The following LRRC53 variants were observed in gnomAD, a reference collection of about 807,000 sequenced individuals.
LRRC53 encodes leucine rich repeat containing 53.
Under a neutral mutation model 13.6 loss-of-function variants are expected in LRRC53, and 25 were observed. The ratio of observed to expected loss-of-function variants is 1.83; its 90% CI spans 1.34 to 2.56. LRRC53 has a LOEUF of 2.56. LRRC53 is among the 30% of genes most tolerant of loss of function. The pLI is 0.00. For missense variants in LRRC53, 527 were observed against 275.8 expected, an observed-to-expected ratio of 1.91 and a Z score of -6.45; for synonymous variants, 204 against 109.8, an observed-to-expected ratio of 1.86 and a Z score of -5.37.
chr1:74,503,254 G>A (rs1175633481), intron 1 of LRRC53, among the ~76,000 whole-genome samples: 2 of 152,090 alleles, frequency 1.3e-5, no homozygotes, highest in Non-Finnish European at 2.9e-5. Context: ...ATACAATAGG[G>A]AATCAGCATC....
intron 2 of LRRC53, among the ~76,000 whole-genome samples, chr1:74,481,332 G>T (rs1293248643): frequency 6.6e-6 from 1 of 152,160 alleles, no homozygotes; most frequent in Non-Finnish European, 1.5e-5. Context: ...ATCTAGCCCT[G>T]CAGATCCAGG....
Position 74,480,911 on chromosome 1 carries a change from T to C in LRRC53, c.146A>G (p.Glu49Gly), listed in dbSNP as rs549581931. Reference protein sequence around the residue: ...IITDGYLSSIESTNLSLLFNL... With the variant: ...IITDGYLSSIGSTNLSLLFNL... ...AAACAAGAGAGACAGGTTTGTGCTCTCAATAGAGGAGAGATATCCATCGGT... is the reference window on the plus strand; with the variant it reads ...AAACAAGAGAGACAGGTTTGTGCTCCCAATAGAGGAGAGATATCCATCGGT... Residue 49 changes from glutamate to glycine, a missense_variant, in exon 3 of 5, where the codon GAG (glutamate) becomes GGG (glycine). Physicochemically the swap from Glu to Gly is moderately conservative, Grantham distance 98. Coordinates refer to ENST00000294635, the MANE Select transcript of LRRC53 (RefSeq NM_001382280.1). 1.4e-6 allele frequency: 1 copy of C among 717,356 alleles called. No homozygotes were observed. Among genetic ancestry groups the C allele is most frequent in the Non-Finnish European group, 2.6e-6 (1 of 385,076 alleles). 44.4% of individuals were successfully genotyped at this position (717,356 alleles called of 1,614,324 possible).
the LRRC53 span, among the ~76,000 whole-genome samples, chr1:74,528,246 T>C: frequency 6.6e-6 from 1 of 151,900 alleles, no homozygotes; most frequent in African/African-American, 2.4e-5. Flanking sequence ...GTGAAGAAGG[T>C]GTACGTGTGG....
chr1:74,522,997 T>C, the LRRC53 span, among the ~76,000 whole-genome samples: 1 of 152,220 alleles, frequency 6.6e-6, no homozygotes, highest in Non-Finnish European at 1.5e-5. Context: ...GGAAACCCCA[T>C]GCATTCACTA....
the LRRC53 span, among the ~76,000 whole-genome samples, chr1:74,532,743 C>T: frequency 6.6e-6 from 1 of 151,510 alleles, no homozygotes; most frequent in East Asian, 1.9e-4. Flanking sequence ...CAGAACAGAG[C>T]CCTCAGAAAT....
At chr1:74,534,793 C>A in the LRRC53 span, among the ~76,000 whole-genome samples, 2 of 152,098 alleles carry the variant, frequency 1.3e-5, no homozygotes, top group African/African-American at 4.8e-5. Context: ...CTTATACAAC[C>A]TGTCATTCAA....
chr1:74,508,236 C>A (rs896029245), intron 1 of LRRC53, among the ~76,000 whole-genome samples: 2 of 152,144 alleles, frequency 1.3e-5, no homozygotes, highest in Admixed American at 6.5e-5. Flanking sequence ...ATGTAACAAA[C>A]CTGCACCTTG....
intron 1 of LRRC53, among the ~76,000 whole-genome samples, chr1:74,501,352 TA>T (rs1365904484): frequency 3.3e-5 from 5 of 152,204 alleles, no homozygotes; most frequent in Non-Finnish European, 7.3e-5. Flanking sequence ...CAGGAGAGTT[TA>T]AAAAAAGCTG....
chr1:74,477,100 T>C, intron 3 of LRRC53, among the ~76,000 whole-genome samples: 1 of 152,156 alleles, frequency 6.6e-6, no homozygotes, highest in East Asian at 1.9e-4. Flanking sequence ...ATAATCCTTT[T>C]ATTGACAGAT....
rs533795595 is a variant in LRRC53 at position 74,504,935 on chromosome 1, G to A, written c.-27+7591C>T. Among the ~76,000 whole-genome samples, 14 of 152,296 alleles carry A rather than the reference G, an allele frequency of 9.2e-5. No individual in the cohort carries two copies. In the East Asian group the frequency reaches 1.9e-3, roughly 21 times the overall value. ...TCCCAGCCACATGAAGAGAACCTGC[G>A]AAGATTCGCCGGAGGCAAACTGCTA... On this transcript the variant is annotated intron_variant, in intron 1 of 4. Coordinates refer to ENST00000294635, the MANE Select transcript of LRRC53 (RefSeq NM_001382280.1).
At chr1:74,488,844 A>G (rs541430269) in intron 1 of LRRC53, among the ~76,000 whole-genome samples, 2 of 152,324 alleles carry the variant, frequency 1.3e-5, no homozygotes, top group East Asian at 3.9e-4. Context: ...ATTACAAGGC[A>G]CTGAGATAGT....
chr1:74,507,082 A>C (rs1442610331), intron 1 of LRRC53, among the ~76,000 whole-genome samples: 2 of 152,210 alleles, frequency 1.3e-5, no homozygotes, highest in Non-Finnish European at 2.9e-5. Flanking sequence ...TTAGTTACAA[A>C]TATTACATAG....
the LRRC53 span, among the ~76,000 whole-genome samples, chr1:74,530,714 A>G: frequency 7.4e-6 from 1 of 135,062 alleles, no homozygotes; most frequent in East Asian, 2.4e-4. Flanking sequence ...GCTACCAAGA[A>G]CTCAAAAAGT....
At chr1:74,511,147 G>A (rs559204539) in intron 1 of LRRC53, among the ~76,000 whole-genome samples, 72 of 151,438 alleles carry the variant, frequency 4.8e-4, no homozygotes, top group Non-Finnish European at 8.1e-4. Flanking sequence ...ATCCGCCTTG[G>A]CCTCCCAAAG....
At chr1:74,533,641 A>G in the LRRC53 span, among the ~76,000 whole-genome samples, 1 of 152,072 alleles carries the variant, frequency 6.6e-6, no homozygotes, top group Non-Finnish European at 1.5e-5. Context: ...TATTCACAAT[A>G]GCAAAGACTT....
chr1:74,498,454 A>T (rs1223338784), intron 1 of LRRC53, among the ~76,000 whole-genome samples: 1 of 152,218 alleles, frequency 6.6e-6, no homozygotes, highest in African/African-American at 2.4e-5. Flanking sequence ...AAATATGTTA[A>T]AAACAGAAAT....
rs186103057 is a variant in LRRC53 at position 74,511,317 on chromosome 1, C to T, written c.-27+1209G>A. ...AAGCAATTCTCGTGCCTCAGGCTCC[C>T]GAGTAGCTGGGACTACAGGCACACG... is the stretch of plus-strand genomic sequence containing the variant. On this transcript the variant is annotated intron_variant, in intron 1 of 4. Transcript: ENST00000294635. 2.5e-3 allele frequency among the ~76,000 whole-genome samples: 380 copies of T among 152,144 alleles called. 2 individuals are homozygous for T. Among genetic ancestry groups the T allele is most frequent in the Admixed American group, 5.4e-3 (83 of 15,288 alleles).
intron 1 of LRRC53, among the ~76,000 whole-genome samples, chr1:74,496,100 G>T (rs1388264680): frequency 1.3e-5 from 2 of 152,144 alleles, no homozygotes; most frequent in Non-Finnish European, 2.9e-5. Flanking sequence ...AACCCATGGG[G>T]TTGGCACCCA....
chr1:74,483,315 CAT>C lies in LRRC53; in HGVS notation c.33_34del (p.Val13GlyfsTer36). On this transcript the variant is annotated frameshift_variant, in exon 2 of 5. Coordinates refer to ENST00000294635, the MANE Select transcript of LRRC53 (RefSeq NM_001382280.1). LOFTEE classifies it high-confidence loss of function. ...GGTTACATCTTTGGTGCACACCACA[CAT>C]GACTCAGGGCAAGCTGCCACCAACC... 1 of 717,514 alleles carries C rather than the reference CAT, an allele frequency of 1.4e-6. No homozygotes were observed. The highest frequency in any genetic ancestry group is 2.3e-4 in the Middle Eastern group (1 of 4,374). 44.4% of individuals were successfully genotyped at this position (717,514 alleles called of 1,614,324 possible). A position where few individuals can be genotyped will look rare whatever the true frequency, so the allele number is the denominator to read the frequency against.
Sources: allele counts gnomAD v4.1 joint callset (sites outside exome capture counted in the v4.1 genomes callset), GRCh38; gene constraint gnomAD v4.1.1; transcripts MANE v1.5; gene names NCBI Gene and HGNC (gene_info 2026-07-23, HGNC 2026-07-21).